The following RASGEF1B variants were observed in gnomAD, a reference collection of about 807,000 sequenced individuals.
RASGEF1B encodes ras-GEF domain-containing family member 1B.
Under a neutral mutation model 65.7 loss-of-function variants are expected in RASGEF1B, and 30 were observed. The observed-to-expected ratio is 0.46, with a 90% CI of 0.34 to 0.62. The LOEUF (loss-of-function observed/expected upper bound fraction) is 0.62, where lower values mean the gene tolerates loss of function less well. RASGEF1B is among the 20% of genes least tolerant of loss of function. The pLI, the probability that RASGEF1B is intolerant of heterozygous loss-of-function variation, is 0.01. For synonymous variants in RASGEF1B, 175 were observed against 194.8 expected (o/e 0.90, Z 0.85); for missense variants, 495 against 580.1 (o/e 0.85, Z 1.51).
intron 1 of RASGEF1B, among the ~76,000 whole-genome samples, chr4:81,461,310 A>G (rs1722636028): frequency 6.6e-6 from 1 of 152,232 alleles, no homozygotes; most frequent in Admixed American, 6.5e-5. Flanking sequence ...GTTCCTTCAG[A>G]TAACTGAGAG....
rs780104233 is a variant in RASGEF1B at position 81,448,128 on chromosome 4, T to C, written c.595A>G (p.Ile199Val). 8.7e-6 allele frequency: 14 copies of C among 1,614,082 alleles called. No individual in the cohort carries two copies. Among genetic ancestry groups the C allele is most frequent in the Non-Finnish European group, 1.2e-5 (14 of 1,180,044 alleles). ...KTKPQSIQRD[I>V]ITVCNDPYTL... Reference sequence around the variant, plus strand: ...TAAGGGTCGTTGCAGACAGTAATGATATCCCTTTGTATAGACTGTGGCTTG... The same window carrying C: ...TAAGGGTCGTTGCAGACAGTAATGACATCCCTTTGTATAGACTGTGGCTTG... Residue 199 changes from isoleucine (I) to valine (V), a missense_variant, in exon 5 of 14, where the codon ATC (isoleucine) becomes GTC (valine). Coordinates refer to ENST00000264400, the MANE Select transcript of RASGEF1B (RefSeq NM_152545.3).
At chr4:81,433,025 C>T (rs1469278508) in intron 12 of RASGEF1B, among the ~76,000 whole-genome samples, 4 of 140,084 alleles carry the variant, frequency 2.9e-5, no homozygotes, top group Non-Finnish European at 6.2e-5. Flanking sequence ...CCAGCCTGGG[C>T]AACACAGAAA....
chr4:81,470,244 C>A (rs762585709), intron 1 of RASGEF1B, among the ~76,000 whole-genome samples: 7 of 152,100 alleles, frequency 4.6e-5, no homozygotes, highest in Non-Finnish European at 1.0e-4. Context: ...AAGAAAGCAA[C>A]TCTATATTTG....
At chr4:81,446,165 A>G (rs1578624284) in intron 6 of RASGEF1B, among the ~76,000 whole-genome samples, 1 of 152,344 alleles carries the variant, frequency 6.6e-6, no homozygotes, top group Non-Finnish European at 1.5e-5. Flanking sequence ...ACCAGAGGTC[A>G]GGAGTTCGAG....
At chr4:81,443,139 C>T (rs1318474559) in intron 8 of RASGEF1B, among the ~76,000 whole-genome samples, 1 of 152,216 alleles carries the variant, frequency 6.6e-6, no homozygotes, top group Non-Finnish European at 1.5e-5. Flanking sequence ...CTGAATGATA[C>T]TTTACGTACT....
At chr4:81,465,310 A>C (rs56087183) in intron 1 of RASGEF1B, among the ~76,000 whole-genome samples, 39,720 of 152,068 alleles carry the variant, frequency 0.26, 6,444 homozygotes, top group African/African-American at 0.46. Context: ...AAACAATGAA[A>C]CAGGCGAAAA....
intron 1 of RASGEF1B, among the ~76,000 whole-genome samples, chr4:81,461,802 A>G (rs1381135674): frequency 6.6e-6 from 1 of 152,070 alleles, no homozygotes; most frequent in Non-Finnish European, 1.5e-5. Context: ...ATCTAGTCCA[A>G]TCTCCTCTTC....
rs73829598 is a variant in RASGEF1B at position 81,470,828 on chromosome 4, G to C, written c.-7+942C>G. ...CAGAGGATTAAGCTACGTTGCTTTT[G>C]CCTGAACTGCGCCGATTTGGTTGGG... On this transcript the variant is annotated intron_variant, in intron 1 of 13. Coordinates refer to ENST00000264400, the MANE Select transcript of RASGEF1B (RefSeq NM_152545.3). 2.2e-3 allele frequency among the ~76,000 whole-genome samples: 330 copies of C among 152,256 alleles called. 4 individuals carry two copies. Among genetic ancestry groups the C allele is most frequent in the African/African-American group, 7.6e-3 (316 of 41,558 alleles).
chr4:81,460,489 G>A (rs1301117914), intron 1 of RASGEF1B, among the ~76,000 whole-genome samples: 3 of 152,208 alleles, frequency 2.0e-5, no homozygotes, highest in Non-Finnish European at 4.4e-5. Flanking sequence ...GACAGGGACA[G>A]GGTGTGTGGA....
chr4:81,454,845 G>A (rs1403282251), intron 4 of RASGEF1B: 1 of 152,032 alleles, frequency 6.6e-6, no homozygotes, highest in African/African-American at 2.4e-5. Flanking sequence ...CATAATACAG[G>A]AAAGCCCATA....
chr4:81,437,155 T>TA (rs1261535546), intron 10 of RASGEF1B, among the ~76,000 whole-genome samples: 1 of 152,220 alleles, frequency 6.6e-6, no homozygotes, highest in Non-Finnish European at 1.5e-5. Flanking sequence ...CCTGGTGCTA[T>TA]AAGCTAGGAG....
chr4:81,434,024 GA>G, intron 11 of RASGEF1B, 61 bp from the exon 12 acceptor site: 1 of 1,389,832 alleles, frequency 7.2e-7, no homozygotes, highest in East Asian at 2.3e-5. Flanking sequence ...ATGAGTTTGG[GA>G]GAGGCAATAC....
chr4:81,457,616 T>A lies in RASGEF1B; in HGVS notation c.183A>T (p.Thr61=), dbSNP rs1722494212. The part of the protein sequence containing the change: ...VPNVDYYPDR[T]YIFTFLLSSR... Reference sequence around the variant, plus strand: ...AACTGAGTAGGAAGGTAAATATGTATGTTCTCTGCAGCAACAGAAAAAAGT... The same window carrying A: ...AACTGAGTAGGAAGGTAAATATGTAAGTTCTCTGCAGCAACAGAAAAAAGT... Residue 61 remains threonine, a synonymous_variant, in exon 3 of 14, where the codon ACA becomes ACT. Coordinates refer to ENST00000264400, the MANE Select transcript of RASGEF1B (RefSeq NM_152545.3). 6.2e-7 allele frequency: 1 copy of A among 1,613,648 alleles called. No individual in the cohort carries two copies. Among genetic ancestry groups the A allele is most frequent in the South Asian group, 1.1e-5 (1 of 91,008 alleles).
chr4:81,464,728 A>G (rs1722749078), intron 1 of RASGEF1B, among the ~76,000 whole-genome samples: 1 of 152,206 alleles, frequency 6.6e-6, no homozygotes, highest in Non-Finnish European at 1.5e-5. Flanking sequence ...CCAAGGAAGA[A>G]GAACATGGTG....
chr4:81,453,464 T>A (rs1328519532), intron 4 of RASGEF1B: 1 of 152,216 alleles, frequency 6.6e-6, no homozygotes, highest in Non-Finnish European at 1.5e-5. Context: ...TGTGATACTG[T>A]ATTGTTTAGG....
rs145933082 is a variant in RASGEF1B, at chr4:81,443,844, T to C, written c.929-1468A>G. On this transcript the variant is annotated intron_variant, in intron 8 of 13. Coordinates refer to ENST00000264400, the MANE Select transcript of RASGEF1B (RefSeq NM_152545.3). ...AAATATGTTTAACCTTATAAGAAAT[T>C]GCTGAACAGTTTTCCAAAGTAGTAG... is the stretch of plus-strand genomic sequence containing the variant. 3.3e-5 allele frequency among the ~76,000 whole-genome samples: 5 copies of C among 152,326 alleles called. No homozygotes were observed. In the East Asian group the frequency reaches 5.8e-4, roughly 18 times the overall value.
At chr4:81,444,693 T>C (rs891218453) in intron 8 of RASGEF1B, among the ~76,000 whole-genome samples, 2 of 152,156 alleles carry the variant, frequency 1.3e-5, no homozygotes, top group African/African-American at 2.4e-5. Context: ...TGTGCCACCA[T>C]GCCCAGCTAA....
Position 81,427,626 on chromosome 4 carries a change from T to C in RASGEF1B, c.*142A>G, listed in dbSNP as rs1017887168. 3 of 757,940 alleles carry C rather than the reference T, an allele frequency of 4.0e-6. No homozygotes were observed. Among genetic ancestry groups the C allele is most frequent in the Admixed American group, 2.9e-5 (1 of 34,510 alleles). The allele number at this position is 757,940 out of a possible 1,614,324, so 47.0% of individuals were successfully genotyped here. Reference sequence around the variant, plus strand: ...GTTCTCCATCTGGTCTTGAGTGAGCTTGTGTGCTTTGCTGACCCGGGTGCT... The same window carrying C: ...GTTCTCCATCTGGTCTTGAGTGAGCCTGTGTGCTTTGCTGACCCGGGTGCT... On this transcript the variant is annotated 3_prime_UTR_variant, in exon 14 of 14. Coordinates refer to ENST00000264400, the MANE Select transcript of RASGEF1B (RefSeq NM_152545.3).
intron 3 of RASGEF1B, among the ~76,000 whole-genome samples, chr4:81,457,215 C>T (rs1288326381): frequency 2.0e-5 from 3 of 152,132 alleles, no homozygotes; most frequent in Non-Finnish European, 4.4e-5. Context: ...TGGGGTTTCA[C>T]ACGTTGGCCA....
Sources: gnomAD v4.1 joint callset for allele counts (sites outside exome capture counted in the v4.1 genomes callset) on GRCh38, gnomAD v4.1.1 for gene constraint, MANE v1.5 for transcripts, NCBI Gene and HGNC (gene_info 2026-07-23, HGNC 2026-07-21) for gene names.